The following PCDHA13 variants were observed in gnomAD, a reference collection of about 807,000 sequenced individuals.
The protein encoded by PCDHA13 is protocadherin alpha-13.
In PCDHA13, 54 loss-of-function variants were observed where a neutral mutation model predicts 64.8. The observed-to-expected ratio is 0.83, with a 90% CI of 0.67 to 1.04. The LOEUF is 1.04. PCDHA13 is among the 50% of genes least tolerant of loss of function. PCDHA13 has a pLI of 0.00. For missense variants in PCDHA13, 1,248 were observed against 1,254.3 expected, an observed-to-expected ratio of 0.99 and a Z score of 0.08; for synonymous variants, 587 against 564.4, an observed-to-expected ratio of 1.04 and a Z score of -0.57.
intron 1 of PCDHA13, among the ~76,000 whole-genome samples, chr5:140,924,973 GCTCATGT>G (rs1447379119): frequency 2.0e-5 from 3 of 151,826 alleles, no homozygotes; most frequent in African/African-American, 7.2e-5. Flanking sequence ...GAGTGCAGTG[GCTCATGT>G]CTGTAATCCT....
intron 1 of PCDHA13, chr5:140,966,609 G>A: frequency 1.4e-6 from 1 of 702,876 alleles, no homozygotes; most frequent in Non-Finnish European, 2.1e-6. Flanking sequence ...CCTTGGGAGG[G>A]CCTACGGAGG....
intron 1 of PCDHA13, among the ~76,000 whole-genome samples, chr5:140,923,950 C>A (rs544576500): frequency 6.6e-6 from 1 of 152,148 alleles, no homozygotes; most frequent in Non-Finnish European, 1.5e-5. Context: ...TTTTTCCTCA[C>A]GCCCTAATCT....
intron 1 of PCDHA13, among the ~76,000 whole-genome samples, chr5:140,959,960 T>C (rs1236536895): frequency 6.6e-6 from 1 of 152,124 alleles, no homozygotes; most frequent in Non-Finnish European, 1.5e-5. Context: ...AGGTAGGAGG[T>C]AGATGTTACT....
chr5:140,990,342 C>A (rs2097389388), intron 3 of PCDHA13, among the ~76,000 whole-genome samples: 1 of 152,124 alleles, frequency 6.6e-6, no homozygotes, highest in Non-Finnish European at 1.5e-5. Flanking sequence ...TAAGTAAAGC[C>A]TGCCCTGTAC....
chr5:141,010,869 A>T lies in PCDHA13; in HGVS notation c.*932A>T, dbSNP rs1434984330. The T allele has an allele frequency of 1.3e-5, 2 of 153,786 alleles. No individual in the cohort carries two copies. Among genetic ancestry groups the T allele is most frequent in the African/African-American group, 4.8e-5 (2 of 41,464 alleles). The allele number at this position is 153,786 out of a possible 1,614,324, so 9.5% of individuals were successfully genotyped here. On this transcript the variant is annotated 3_prime_UTR_variant, in exon 4 of 4. Coordinates refer to ENST00000289272, the MANE Select transcript of PCDHA13 (RefSeq NM_018904.3). Reference sequence around the variant, plus strand: ...AAAAAAAGAGAAAGTCTATAGCTATAAATCTTTAAAGAGAAATATGAATAC... The same window carrying T: ...AAAAAAAGAGAAAGTCTATAGCTATTAATCTTTAAAGAGAAATATGAATAC...
chr5:140,948,528 T>C (rs1234543318), intron 1 of PCDHA13, among the ~76,000 whole-genome samples: 1 of 151,686 alleles, frequency 6.6e-6, no homozygotes, highest in Non-Finnish European at 1.5e-5. Context: ...ACTATTTATA[T>C]TTTATTTCAT....
intron 1 of PCDHA13, among the ~76,000 whole-genome samples, chr5:140,959,410 T>C (rs564453268): frequency 6.6e-5 from 10 of 152,300 alleles, no homozygotes; most frequent in Non-Finnish European, 1.3e-4. Flanking sequence ...AAGTGTTGAT[T>C]GATCTGAGAA....
chr5:140,920,847 A>G (rs1410435400), intron 1 of PCDHA13, among the ~76,000 whole-genome samples: 1 of 152,028 alleles, frequency 6.6e-6, no homozygotes, highest in Non-Finnish European at 1.5e-5. Flanking sequence ...AATCTAAAAA[A>G]AAAAAAAAAA....
intron 3 of PCDHA13, among the ~76,000 whole-genome samples, chr5:141,000,634 G>A (rs1554257716): frequency 6.6e-6 from 1 of 150,928 alleles, no homozygotes; most frequent in Non-Finnish European, 1.5e-5. Context: ...CACCATGTTG[G>A]GCAGGCTGGT....
At chr5:140,937,199 G>T (rs2091405017) in intron 1 of PCDHA13, among the ~76,000 whole-genome samples, 1 of 151,792 alleles carries the variant, frequency 6.6e-6, no homozygotes, top group African/African-American at 2.4e-5. Flanking sequence ...CACCATGCCC[G>T]GCTAATTTTT....
chr5:140,939,349 TA>T (rs1233387801), intron 1 of PCDHA13, among the ~76,000 whole-genome samples: 4 of 152,154 alleles, frequency 2.6e-5, no homozygotes, highest in Admixed American at 6.5e-5. Context: ...CATTTCAACT[TA>T]TGATTGCAAA....
chr5:140,946,609 G>GAA, intron 1 of PCDHA13, among the ~76,000 whole-genome samples: 1 of 68,674 alleles, frequency 1.5e-5, no homozygotes, highest in Non-Finnish European at 2.7e-5. Flanking sequence ...AAGAAAATGT[G>GAA]AAATATATAT....
intron 1 of PCDHA13, among the ~76,000 whole-genome samples, chr5:140,973,020 T>A (rs1057155557): frequency 6.6e-6 from 1 of 152,120 alleles, no homozygotes; most frequent in Non-Finnish European, 1.5e-5. Flanking sequence ...TTGTGATTGT[T>A]AATGAGTCAC....
chr5:140,887,649 T>C (rs2061527192), intron 1 of PCDHA13, among the ~76,000 whole-genome samples: 1 of 152,162 alleles, frequency 6.6e-6, no homozygotes, highest in South Asian at 2.1e-4. Context: ...TTTGTTGATA[T>C]TCTTGGATCT....
intron 1 of PCDHA13, among the ~76,000 whole-genome samples, chr5:140,918,314 A>G (rs2078635890): frequency 1.3e-5 from 2 of 152,138 alleles, no homozygotes; most frequent in Admixed American, 1.3e-4. Context: ...TTTTCTAGGT[A>G]TAAAATTATA....
At chr5:140,926,584 C>A in intron 1 of PCDHA13, 1 of 285,402 alleles carries the variant, frequency 3.5e-6, no homozygotes, top group Non-Finnish European at 6.4e-6. Context: ...GCACCTCTCG[C>A]GCCCGGGCGG....
In PCDHA13 at chr5:140,989,027, CATT is replaced by C. The variant is rs1413017003; in HGVS notation, c.2542+6465_2542+6467del. The C allele has an allele frequency of 1.4e-4, 22 of 152,178 alleles. 1 individual carries two copies. The highest frequency in any genetic ancestry group is 1.4e-3 in the Admixed American group (22 of 15,274). The allele number at this position is 152,178 out of a possible 1,614,324, so 9.4% of individuals were successfully genotyped here. A position where few individuals can be genotyped will look rare whatever the true frequency, so the allele number is the denominator to read the frequency against. ...GACTTATTATAGTTTCTTCAGTTAT[CATT>C]GATTCCTTTAATATGCCAGCTACAT... On this transcript the variant is annotated intron_variant, in intron 3 of 3. Transcript: ENST00000289272.
chr5:140,927,894 C>T (rs372774238), intron 1 of PCDHA13: 2 of 1,614,208 alleles, frequency 1.2e-6, no homozygotes, highest in South Asian at 2.2e-5. Context: ...CTGACGTGAA[C>T]GATCATGCCC....
intron 1 of PCDHA13, among the ~76,000 whole-genome samples, chr5:140,953,003 A>G (rs2094831963): frequency 6.6e-6 from 1 of 152,190 alleles, no homozygotes; most frequent in Non-Finnish European, 1.5e-5. Context: ...CTCTCTCACT[A>G]TTATGAGAAC....
Sources: gnomAD v4.1 joint callset for allele counts (sites outside exome capture counted in the v4.1 genomes callset) on GRCh38, gnomAD v4.1.1 for gene constraint, MANE v1.5 for transcripts, NCBI Gene and HGNC (gene_info 2026-07-23, HGNC 2026-07-21) for gene names.